The following UBE2F variants were observed in gnomAD, a reference collection of about 807,000 sequenced individuals.
UBE2F encodes the protein NEDD8-conjugating enzyme UBE2F.
A neutral mutation model predicts 29.6 loss-of-function variants in UBE2F; 5 were observed. The ratio of observed to expected loss-of-function variants is 0.17; its 90% CI spans 0.09 to 0.36. UBE2F has a LOEUF of 0.36. UBE2F is among the 10% of genes least tolerant of loss of function. The pLI, the probability that UBE2F is intolerant of heterozygous loss-of-function variation, is 1.00. For missense variants in UBE2F, 141 were observed against 228.5 expected, an observed-to-expected ratio of 0.62 and a Z score of 2.47; for synonymous variants, 66 against 81.8, an observed-to-expected ratio of 0.81 and a Z score of 1.04.
intron 4 of UBE2F, among the ~76,000 whole-genome samples, chr2:237,998,184 G>T (rs2063725967): frequency 6.6e-6 from 1 of 152,092 alleles, no homozygotes; most frequent in African/African-American, 2.4e-5. Flanking sequence ...ACAATAAAAT[G>T]TACTAATTTG....
intron 9 of UBE2F, among the ~76,000 whole-genome samples, chr2:238,039,119 C>T (rs1196905042): frequency 6.6e-6 from 1 of 152,190 alleles, no homozygotes; most frequent in Non-Finnish European, 1.5e-5. Context: ...CTTGTAATTC[C>T]ACCTACTTGG....
chr2:238,014,237 A>G (rs1209646367), intron 4 of UBE2F, among the ~76,000 whole-genome samples: 2 of 152,250 alleles, frequency 1.3e-5, no homozygotes, highest in African/African-American at 4.8e-5. Flanking sequence ...CAAATTAACA[A>G]TAATAAATAA....
At chr2:238,031,932 T>A (rs1284353433) in intron 7 of UBE2F, among the ~76,000 whole-genome samples, 1 of 152,260 alleles carries the variant, frequency 6.6e-6, no homozygotes, top group Non-Finnish European at 1.5e-5. Flanking sequence ...ATGCAGACAC[T>A]GGCCTGCGGG....
In UBE2F at chr2:237,971,411, C is replaced by T. The variant is rs531911802; in HGVS notation, c.-16-1681C>T. 7.1e-4 allele frequency among the ~76,000 whole-genome samples: 108 copies of T among 152,316 alleles called. 1 individual carries two copies. The highest frequency in any genetic ancestry group is 8.2e-4 in the Non-Finnish European group (56 of 68,030). ...AATCTTAGCTCACTGCAACCTCTGC[C>T]TCCCGGCTTCAAGTGATTCTCCTGC... On this transcript the variant is annotated intron_variant, in intron 1 of 9. Transcript: ENST00000272930.
intron 5 of UBE2F, 86 bp downstream of exon 5, chr2:238,016,719 C>A: frequency 1.7e-6 from 2 of 1,145,904 alleles, no homozygotes; most frequent in Non-Finnish European, 2.6e-6. Context: ...AGGGCCCTAG[C>A]ACTCCCCTCT....
chr2:237,974,042 G>T (rs2063224881), intron 2 of UBE2F, among the ~76,000 whole-genome samples: 1 of 152,112 alleles, frequency 6.6e-6, no homozygotes, highest in African/African-American at 2.4e-5. Flanking sequence ...CACCCAGGCT[G>T]GAGTGCGGTG....
chr2:238,025,553 C>T (rs187192411), intron 6 of UBE2F, 141 bp downstream of exon 6: 19 of 742,430 alleles, frequency 2.6e-5, no homozygotes, highest in East Asian at 1.4e-4. Context: ...GAAGTAGCTG[C>T]GGTTGCCTGC....
At chr2:238,016,258 A>G (rs964528679) in intron 4 of UBE2F, among the ~76,000 whole-genome samples, 6 of 152,156 alleles carry the variant, frequency 3.9e-5, no homozygotes, top group Non-Finnish European at 8.8e-5. Flanking sequence ...GGTTCCAGGA[A>G]CATGGTAGGA....
At chr2:238,013,121 C>A (rs1395937947) in intron 4 of UBE2F, among the ~76,000 whole-genome samples, 2 of 151,894 alleles carry the variant, frequency 1.3e-5, no homozygotes, top group African/African-American at 4.8e-5. Flanking sequence ...TACAAAAAAA[C>A]TAGCTGGGCG....
At chr2:238,041,178 C>T (rs2064831317) in intron 9 of UBE2F, 110 bp from the exon 10 acceptor site, 9 of 1,076,472 alleles carry the variant, frequency 8.4e-6, no homozygotes, top group Non-Finnish European at 1.3e-5. Context: ...ACCTTGGCGA[C>T]CACAGGGGAC....
chr2:237,967,172 C>A lies in UBE2F; in HGVS notation c.-17+40C>A. On this transcript the variant is annotated intron_variant, in intron 1 of 9. Transcript: ENST00000272930. The surrounding 1 kb of genome is among the most constrained non-coding windows in gnomAD (Gnocchi z 6.3). ...TGCGGCTCTGCGGCGGGGCGAGGTG[C>A]GGCCGCCGGTGCACGGGCTGGCCTG... The A allele has an allele frequency of 8.7e-7, 1 of 1,155,608 alleles. No homozygotes were observed. The highest frequency in any genetic ancestry group is 1.1e-6 in the Non-Finnish European group (1 of 939,278). The allele number at this position is 1,155,608 out of a possible 1,614,324, so 71.6% of individuals were successfully genotyped here.
chr2:237,978,522 T>G (rs2063325697), intron 2 of UBE2F, among the ~76,000 whole-genome samples: 1 of 152,226 alleles, frequency 6.6e-6, no homozygotes, highest in Non-Finnish European at 1.5e-5. Context: ...TGGAAACATG[T>G]GGCCTGCTTT....
At chr2:237,969,347 T>C (rs1388525026) in intron 1 of UBE2F, among the ~76,000 whole-genome samples, 3 of 152,058 alleles carry the variant, frequency 2.0e-5, no homozygotes. Context: ...TTTGAGTGCA[T>C]GAAGGATCTC....
At chr2:238,014,260 C>G (rs944392492) in intron 4 of UBE2F, among the ~76,000 whole-genome samples, 1 of 152,156 alleles carries the variant, frequency 6.6e-6, no homozygotes, top group African/African-American at 2.4e-5. Context: ...AGATTTGGAT[C>G]AGGTCTAAAA....
chr2:237,989,533 A>G (rs2106344857), intron 3 of UBE2F, among the ~76,000 whole-genome samples: 1 of 151,888 alleles, frequency 6.6e-6, no homozygotes, highest in South Asian at 2.1e-4. Flanking sequence ...TTGTATTTTT[A>G]GCAGAGATGG....
intron 7 of UBE2F, 35 bp from the exon 8 acceptor site, chr2:238,032,187 T>C: frequency 4.4e-6 from 7 of 1,600,426 alleles, no homozygotes; most frequent in Non-Finnish European, 6.0e-6. Context: ...GCACTTTGGC[T>C]TAAAACTTGT....
chr2:237,976,904 G>A (rs1232462438), intron 2 of UBE2F, among the ~76,000 whole-genome samples: 1 of 152,148 alleles, frequency 6.6e-6, no homozygotes, highest in African/African-American at 2.4e-5. Flanking sequence ...CGGGTTTATT[G>A]CAGCAAGACA....
chr2:238,019,106 G>T (rs769459739), intron 5 of UBE2F, among the ~76,000 whole-genome samples: 1 of 152,048 alleles, frequency 6.6e-6, no homozygotes, highest in Non-Finnish European at 1.5e-5. Context: ...TAGTCCCTGT[G>T]GGGAAACATC....
chr2:238,020,240 T>A (rs1215233451), intron 5 of UBE2F, among the ~76,000 whole-genome samples: 1 of 152,222 alleles, frequency 6.6e-6, no homozygotes, highest in Admixed American at 6.5e-5. Flanking sequence ...AGCTTGTGCC[T>A]GCCATGCTAG....
Sources: gnomAD v4.1 joint callset for allele counts (sites outside exome capture counted in the v4.1 genomes callset) on GRCh38, gnomAD v4.1.1 for gene constraint, Gnocchi (gnomAD v3.1) non-coding constraint, MANE v1.5 for transcripts, NCBI Gene and HGNC (gene_info 2026-07-23, HGNC 2026-07-21) for gene names.